The following PPP1R13L variants were observed in gnomAD, a reference collection of about 807,000 sequenced individuals.
The protein encoded by PPP1R13L is protein phosphatase 1 regulatory subunit 13 like, also known as relA-associated inhibitor.
In PPP1R13L, 50 loss-of-function variants were observed where a neutral mutation model predicts 80.9. The observed-to-expected ratio is 0.62, with a 90% confidence interval of 0.49 to 0.78. The LOEUF is 0.78. Among genes scored for constraint, PPP1R13L ranks in the 30% least tolerant of loss-of-function variants. The pLI, the probability that PPP1R13L is intolerant of heterozygous loss-of-function variation, is 0.00. For missense variants in PPP1R13L, 1,200 were observed against 1,205.9 expected, an observed-to-expected ratio of 1.00 and a Z score of 0.07; for synonymous variants, 602 against 534.3, an observed-to-expected ratio of 1.13 and a Z score of -1.75.
intron 11 of PPP1R13L, among the ~76,000 whole-genome samples, chr19:45,383,149 C>A (rs1490570356): frequency 6.6e-6 from 1 of 151,602 alleles, no homozygotes; most frequent in African/African-American, 2.4e-5. Flanking sequence ...CGCCCGCCAC[C>A]ACGCCTGGCT....
At position 45,398,108 on chromosome 19, in the gene PPP1R13L, A is replaced by G. The variant is rs780397450; in HGVS notation, c.95T>C (p.Leu32Pro). ...ATCCACCTTGGCCGCCGCCGTGTCC[A>G]GCTCCATCTGCTTCAGATCCATGTG... ...MKHMDLKQME[L>P]DTAAAKVDEL... The change falls in exon 3 of 13, where the codon CTG becomes CCG. Residue 32 changes from leucine (L) to proline (P), a missense_variant. Leu to Pro is a moderately conservative substitution (Grantham distance 98). Around this residue, in one of 5 missense-constraint regions of PPP1R13L, gnomAD observed 764 missense variants for 714.5 expected, o/e 1.07. Coordinates refer to ENST00000360957, the MANE Select transcript of PPP1R13L (RefSeq NM_006663.4). 6.2e-7 allele frequency: 1 copy of G among 1,614,156 alleles called. No homozygotes were observed. The highest frequency in any genetic ancestry group is 8.5e-7 in the Non-Finnish European group (1 of 1,180,018).
Position 45,396,962 on chromosome 19 carries a change from G to T in PPP1R13L, c.295C>A (p.Arg99=), listed in dbSNP as rs1345664498. 2.1e-6 allele frequency: 3 copies of T among 1,409,680 alleles called. No homozygotes were observed. The highest frequency in any genetic ancestry group is 2.8e-6 in the Non-Finnish European group (3 of 1,081,890). The allele number at this position is 1,409,680 out of a possible 1,614,324, so 87.3% of individuals were successfully genotyped here. A position where few individuals can be genotyped will look rare whatever the true frequency, so the allele number is the denominator to read the frequency against. Residue 99 remains arginine, a synonymous_variant, in exon 4 of 13, where the codon CGA becomes AGA. Coordinates refer to ENST00000360957, the MANE Select transcript of PPP1R13L (RefSeq NM_006663.4). This position sits in a 1 kb window ranked among gnomAD's most constrained non-coding sequence, Gnocchi z 5.3. ...ATDGADTPFG[R]SESAPTLHPY... is the part of the protein sequence containing the mutation. ...TGTAGGGTTGGGGCACTCTCTGATC[G>T]TCCGAACGGGGTGTCTGCGCCGTCG... is the stretch of plus-strand genomic sequence containing the variant.
chr19:45,395,841 G>T lies in PPP1R13L; in HGVS notation c.949C>A (p.Pro317Thr). The T allele has an allele frequency of 1.3e-6, 2 of 1,598,170 alleles. No homozygotes were observed. The highest frequency in any genetic ancestry group is 8.5e-7 in the Non-Finnish European group (1 of 1,173,974). ...TCTGAACGCCGGTCGCTGGCCAGAG[G>T]AGAGACCTTGTAATTGCGCGGCAGG... is the stretch of plus-strand genomic sequence containing the variant. Reference protein sequence around the residue: ...ATLPRNYKVSPLASDRRSDAG... With the variant: ...ATLPRNYKVSTLASDRRSDAG... Residue 317 changes from proline to threonine, a missense_variant, in exon 7 of 13, where the codon CCT (proline) becomes ACT (threonine). By Grantham distance (38) the Pro-to-Thr change is conservative. This residue lies in a region of PPP1R13L where 764 missense variants were observed against 714.5 expected (regional missense o/e 1.07). Coordinates refer to ENST00000360957, the MANE Select transcript of PPP1R13L (RefSeq NM_006663.4).
chr19:45,405,214 A>G (rs1325261362), upstream of PPP1R13L: 1 of 185,486 alleles, frequency 5.4e-6, no homozygotes, highest in Non-Finnish European at 1.0e-5. Context: ...AGACGATCCC[A>G]TTTGGATTCA....
At chr19:45,386,844 C>T (rs548559239) in intron 8 of PPP1R13L, among the ~76,000 whole-genome samples, 1 of 151,764 alleles carries the variant, frequency 6.6e-6, no homozygotes, top group Admixed American at 6.6e-5. Flanking sequence ...TCATGTTGTC[C>T]AGGCTGGTCT....
Position 45,391,964 on chromosome 19 carries a change from T to C in PPP1R13L, c.1731A>G (p.Ala577=). ...CTGGTGGGGCAGGAGCAGGGGGCCC[T>C]GCCCTGGCCTCAGATCCCTCAGTGA... ...SPITEGSEAR[A]GPPAPAPPAP... Residue 577 remains alanine, a synonymous_variant, in exon 8 of 13, where the codon GCA becomes GCG. Coordinates refer to ENST00000360957, the MANE Select transcript of PPP1R13L (RefSeq NM_006663.4). 6.6e-7 allele frequency: 1 copy of C among 1,515,950 alleles called. No homozygotes were observed. 93.9% of individuals were successfully genotyped at this position (1,515,950 alleles called of 1,614,324 possible).
intron 7 of PPP1R13L, among the ~76,000 whole-genome samples, chr19:45,393,550 C>T (rs1200007339): frequency 1.3e-5 from 2 of 151,116 alleles, no homozygotes; most frequent in Non-Finnish European, 2.9e-5. Context: ...TGAAACCTCA[C>T]CACTGCATTC....
At chr19:45,392,686 G>A (rs1465261558) in intron 7 of PPP1R13L, 7 of 397,336 alleles carry the variant, frequency 1.8e-5, no homozygotes, top group Non-Finnish European at 3.3e-5. Flanking sequence ...GTTGGGACTT[G>A]AACTCAGTTC....
At position 45,391,916 on chromosome 19, in the gene PPP1R13L, C is replaced by T. The variant is rs148594569; in HGVS notation, c.1779G>A (p.Pro593=). Reference sequence around the variant, plus strand: ...GCTGCTCTGGTGGGCTGCTCTGGGACGGGGCCGGGGGTGGAATGGGAGCTG... The same window carrying T: ...GCTGCTCTGGTGGGCTGCTCTGGGATGGGGCCGGGGGTGGAATGGGAGCTG... ...APPAPIPPPA[P]SQSSPPEQPQ... is the part of the protein sequence containing the mutation. The change falls in exon 8 of 13, where the codon CCG becomes CCA. Residue 593 remains proline (P), a synonymous_variant. Coordinates refer to ENST00000360957, the MANE Select transcript of PPP1R13L (RefSeq NM_006663.4). 3.7e-5 allele frequency: 55 copies of T among 1,496,582 alleles called. No individual in the cohort carries two copies. The highest frequency in any genetic ancestry group is 1.5e-4 in the South Asian group (11 of 72,208). 92.7% of individuals were successfully genotyped at this position (1,496,582 alleles called of 1,614,324 possible).
chr19:45,396,348 C>T lies in PPP1R13L; in HGVS notation c.801G>A (p.Ala267=). ...GCCTCCACCACTCACGTTCATAGCT[C>T]GCTGTCTGCGAAGGCTTCTTCTCGT... ...VAYEKKPSQT[A]SYERLDVFAR... Residue 267 remains alanine, a synonymous_variant, in exon 5 of 13, where the codon GCG becomes GCA. Coordinates refer to ENST00000360957, the MANE Select transcript of PPP1R13L (RefSeq NM_006663.4). The surrounding 1 kb of genome is among the most constrained non-coding windows in gnomAD (Gnocchi z 5.3). 1 of 1,614,110 alleles carries T rather than the reference C, an allele frequency of 6.2e-7. No individual in the cohort carries two copies. Among genetic ancestry groups the T allele is most frequent in the Non-Finnish European group, 8.5e-7 (1 of 1,180,014 alleles).
intron 12 of PPP1R13L, among the ~76,000 whole-genome samples, 182 bp from the exon 13 acceptor site, chr19:45,380,410 C>G (rs1215234538): frequency 8.5e-5 from 13 of 152,180 alleles, no homozygotes; most frequent in Admixed American, 7.9e-4. Context: ...CCAATCAGAG[C>G]CTCCACTGAT....
At position 45,386,043 on chromosome 19, in the gene PPP1R13L, G is replaced by T. The variant is rs1377859854; in HGVS notation, c.1947+6C>A. 2 of 1,589,002 alleles carry T rather than the reference G, an allele frequency of 1.3e-6. No homozygotes were observed. Among genetic ancestry groups the T allele is most frequent in the South Asian group, 2.3e-5 (2 of 88,306 alleles). The stretch of plus-strand genomic sequence containing the variant: ...CCGTGCCCACCTCCCGCTCAGCAGC[G>T]CTCACCTCCTTCACCGCCTGCTGCA... On this transcript the variant is annotated splice_donor_region_variant and intron_variant, in intron 9 of 12. Coordinates refer to ENST00000360957, the MANE Select transcript of PPP1R13L (RefSeq NM_006663.4).
intron 3 of PPP1R13L, 116 bp from the exon 4 acceptor site, chr19:45,397,174 CG>C: frequency 1.2e-6 from 1 of 860,446 alleles, no homozygotes; most frequent in East Asian, 3.3e-5. Context: ...GGAGGCTGAC[CG>C]GCCATGGAAA....
chr19:45,383,801 G>A (rs1432882943), intron 11 of PPP1R13L, among the ~76,000 whole-genome samples: 2 of 151,504 alleles, frequency 1.3e-5, no homozygotes, highest in Non-Finnish European at 2.9e-5. Context: ...TTGCTCTGTC[G>A]CCCAGGCTGG....
chr19:45,383,286 G>A (rs1039917151), intron 11 of PPP1R13L, among the ~76,000 whole-genome samples: 12 of 130,874 alleles, frequency 9.2e-5, no homozygotes, highest in Admixed American at 2.5e-4. Context: ...GAGCCACCGC[G>A]CCCGGCCTTT....
rs1228555198 is a variant in PPP1R13L at position 45,385,813 on chromosome 19, T to G, written c.2081+11A>C. ...CGGGGGACCCAGCCCACCGCGCGGG[T>G]CGGGGCTCACCAGCCGTGGCTGTCG... is the stretch of plus-strand genomic sequence containing the variant. On this transcript the variant is annotated intron_variant, in intron 10 of 12. Coordinates refer to ENST00000360957, the MANE Select transcript of PPP1R13L (RefSeq NM_006663.4). The G allele has an allele frequency of 1.9e-6, 3 of 1,609,578 alleles. No individual in the cohort carries two copies. Among genetic ancestry groups the G allele is most frequent in the Non-Finnish European group, 2.5e-6 (3 of 1,178,692 alleles).
chr19:45,396,897 C>T lies in PPP1R13L; in HGVS notation c.360G>A (p.Ser120=), dbSNP rs762419017. 5 of 1,516,372 alleles carry T rather than the reference C, an allele frequency of 3.3e-6. No homozygotes were observed. The East Asian group carries it at 7.9e-5, about 24-fold the overall frequency. The allele number at this position is 1,516,372 out of a possible 1,614,324, so 93.9% of individuals were successfully genotyped here. A position where few individuals can be genotyped will look rare whatever the true frequency, so the allele number is the denominator to read the frequency against. ...GCTGCAGGTAGAGCGGGGTGCGCGGCGACGACGGCCGTCCCTTGGGGGACA... is the reference window on the plus strand; with the variant it reads ...GCTGCAGGTAGAGCGGGGTGCGCGGTGACGACGGCCGTCCCTTGGGGGACA... The part of the protein sequence containing the change: ...SPLSPKGRPS[S]PRTPLYLQPD... Residue 120 remains serine, a synonymous_variant, in exon 4 of 13, where the codon TCG becomes TCA. Coordinates refer to ENST00000360957, the MANE Select transcript of PPP1R13L (RefSeq NM_006663.4). This position sits in a 1 kb window ranked among gnomAD's most constrained non-coding sequence, Gnocchi z 5.3.
chr19:45,382,196 T>G (rs1052921890), intron 12 of PPP1R13L, among the ~76,000 whole-genome samples: 3 of 151,952 alleles, frequency 2.0e-5, no homozygotes, highest in African/African-American at 7.3e-5. Context: ...ATGGCGCCAT[T>G]GCACTCCAGC....
intron 7 of PPP1R13L, 26 bp from the exon 8 acceptor site, chr19:45,392,366 G>A: frequency 6.2e-7 from 1 of 1,608,076 alleles, no homozygotes; most frequent in Non-Finnish European, 8.5e-7. Context: ...GCCCATCAGA[G>A]GACAGGTCCC....
Sources: allele counts gnomAD v4.1 joint callset (sites outside exome capture counted in the v4.1 genomes callset), GRCh38; gene constraint gnomAD v4.1.1; regional missense constraint gnomAD v4.1.1; non-coding constraint Gnocchi (gnomAD v3.1); transcripts MANE v1.5; gene names NCBI Gene and HGNC (gene_info 2026-07-23, HGNC 2026-07-21).